LRP1B: variants seen among roughly 807,000 people sequenced by gnomAD.
LRP1B encodes low-density lipoprotein receptor-related protein 1B.
In LRP1B, 217 loss-of-function variants were observed where a neutral mutation model predicts 556.6. The ratio of observed to expected loss-of-function variants is 0.39; its 90% confidence interval spans 0.35 to 0.44. The LOEUF is 0.44. Ranked by LOEUF, LRP1B falls within the 20% of genes least tolerant of loss-of-function variation. The probability of loss-of-function intolerance (pLI) is 1.00; values close to 1 mark genes in which losing one functional copy is unlikely to be tolerated. For synonymous variants in LRP1B, 2,047 were observed against 1,865.8 expected, an observed-to-expected ratio of 1.10 and a Z score of -2.50; for missense variants, 5,053 against 5,620.8, an observed-to-expected ratio of 0.90 and a Z score of 3.23.
chr2:141,412,531 A>G (rs188208641), intron 3 of LRP1B, among the ~76,000 whole-genome samples: 61 of 151,626 alleles, frequency 4.0e-4, no homozygotes, highest in African/African-American at 1.5e-3. Flanking sequence ...ATAATCAAGT[A>G]TTATATTTTA....
At chr2:140,800,526 C>T (rs987919625) in intron 32 of LRP1B, among the ~76,000 whole-genome samples, 2 of 152,014 alleles carry the variant, frequency 1.3e-5, no homozygotes, top group African/African-American at 2.4e-5. Context: ...GGGATTGCTG[C>T]GAGAATTACA....
At chr2:141,408,936 A>G (rs944784597) in intron 3 of LRP1B, among the ~76,000 whole-genome samples, 1 of 152,174 alleles carries the variant, frequency 6.6e-6, no homozygotes, top group Non-Finnish European at 1.5e-5. Flanking sequence ...TCTTCCGCAT[A>G]TATAGCAATA....
At chr2:140,845,220 A>T (rs1559152844) in intron 29 of LRP1B, among the ~76,000 whole-genome samples, 1 of 152,212 alleles carries the variant, frequency 6.6e-6, no homozygotes, top group African/African-American at 2.4e-5. Context: ...ACTAGCTTAT[A>T]TATGAGAAAT....
chr2:140,329,573 A>T (rs1028658491), intron 79 of LRP1B, among the ~76,000 whole-genome samples: 1 of 152,118 alleles, frequency 6.6e-6, no homozygotes, highest in Admixed American at 6.6e-5. Context: ...CAATATGCAA[A>T]AATCACAAGC....
chr2:141,014,953 G>A (rs544991735), intron 13 of LRP1B, among the ~76,000 whole-genome samples: 1 of 152,054 alleles, frequency 6.6e-6, no homozygotes, highest in Non-Finnish European at 1.5e-5. Flanking sequence ...TTAGCCAAAT[G>A]TGCAGGTTTT....
rs538566722 is a variant in LRP1B, at chr2:140,857,130, C to T, written c.4580-5347G>A. Among the ~76,000 whole-genome samples the T allele has an allele frequency of 3.9e-5, 6 of 152,088 alleles. 1 individual carries two copies. In the South Asian group the frequency reaches 8.3e-4, roughly 21 times the overall value. Reference sequence around the variant, plus strand: ...GGGAAAAGAAAAAAACACTTTAAATCCAAACAACCAGTTTTTCCAATAAAT... The same window carrying T: ...GGGAAAAGAAAAAAACACTTTAAATTCAAACAACCAGTTTTTCCAATAAAT... On this transcript the variant is annotated intron_variant, in intron 27 of 90. Coordinates refer to ENST00000389484, the MANE Select transcript of LRP1B (RefSeq NM_018557.3).
intron 3 of LRP1B, among the ~76,000 whole-genome samples, chr2:141,351,141 C>T (rs2105539978): frequency 6.6e-6 from 1 of 152,116 alleles, no homozygotes. Flanking sequence ...CCTACATCAA[C>T]TTGGCATGAT....
At chr2:140,289,625 TAA>T (rs1683294967) in intron 84 of LRP1B, among the ~76,000 whole-genome samples, 1 of 151,784 alleles carries the variant, frequency 6.6e-6, no homozygotes, top group Non-Finnish European at 1.5e-5. Context: ...AATGAAGGCA[TAA>T]CATTAAAACA....
intron 5 of LRP1B, among the ~76,000 whole-genome samples, chr2:141,233,705 G>A (rs758168697): frequency 6.6e-6 from 1 of 151,878 alleles, no homozygotes; most frequent in Non-Finnish European, 1.5e-5. Context: ...AATGTTTTCA[G>A]GGTGTATAAA....
chr2:140,610,925 C>A (rs561873963), intron 41 of LRP1B, among the ~76,000 whole-genome samples: 29 of 152,310 alleles, frequency 1.9e-4, no homozygotes, highest in Middle Eastern at 3.4e-3. Flanking sequence ...GTAATGGTAA[C>A]AAATTCATAA....
intron 7 of LRP1B, among the ~76,000 whole-genome samples, chr2:141,100,832 C>T (rs554854507): frequency 5.7e-4 from 86 of 152,042 alleles, no homozygotes; most frequent in African/African-American, 1.6e-3. Flanking sequence ...ATAGCTAAGA[C>T]AGAAGGCCTG....
At chr2:141,621,347 T>C (rs1688499842) in intron 2 of LRP1B, among the ~76,000 whole-genome samples, 1 of 152,196 alleles carries the variant, frequency 6.6e-6, no homozygotes, top group Admixed American at 6.5e-5. Flanking sequence ...TGATGAATTC[T>C]GACCATTGCC....
chr2:140,417,049 T>C (rs2105258763), intron 66 of LRP1B, among the ~76,000 whole-genome samples: 1 of 152,322 alleles, frequency 6.6e-6, no homozygotes, highest in Non-Finnish European at 1.5e-5. Flanking sequence ...GGCAACCAGC[T>C]TCCCAACTAA....
intron 85 of LRP1B, among the ~76,000 whole-genome samples, chr2:140,272,414 C>G (rs1682505639): frequency 6.6e-6 from 1 of 151,814 alleles, no homozygotes; most frequent in East Asian, 1.9e-4. Context: ...ATGATCAAGT[C>G]TTTCTTCACC....
intron 49 of LRP1B, among the ~76,000 whole-genome samples, chr2:140,524,873 C>G (rs953980468): frequency 6.6e-6 from 1 of 151,762 alleles, no homozygotes; most frequent in East Asian, 1.9e-4. Flanking sequence ...AGGATCAATA[C>G]AAGCCCAAAC....
intron 1 of LRP1B, among the ~76,000 whole-genome samples, chr2:141,922,449 C>T (rs917065403): frequency 6.6e-6 from 1 of 152,214 alleles, no homozygotes; most frequent in African/African-American, 2.4e-5. Flanking sequence ...CACCTCCTAA[C>T]TTAATCTGCG....
intron 2 of LRP1B, among the ~76,000 whole-genome samples, chr2:141,585,711 A>G (rs1285825654): frequency 6.6e-6 from 1 of 152,146 alleles, no homozygotes. Context: ...ATTCAAATCA[A>G]GCAGATAATT....
At chr2:141,728,063 T>C (rs1381549744) in intron 2 of LRP1B, among the ~76,000 whole-genome samples, 1 of 151,718 alleles carries the variant, frequency 6.6e-6, no homozygotes, top group African/African-American at 2.4e-5. Context: ...TTTCAGAGAG[T>C]AGCAGTATTT....
chr2:140,757,059 A>G (rs1688764452), intron 35 of LRP1B, among the ~76,000 whole-genome samples: 2 of 152,244 alleles, frequency 1.3e-5, no homozygotes, highest in Non-Finnish European at 2.9e-5. Context: ...CACATTAAAA[A>G]GATACTCAAC....
Sources: allele counts gnomAD v4.1 joint callset (sites outside exome capture counted in the v4.1 genomes callset), GRCh38; gene constraint gnomAD v4.1.1; transcripts MANE v1.5; gene names NCBI Gene and HGNC (gene_info 2026-07-23, HGNC 2026-07-21).